The following ARHGAP10 variants were observed in gnomAD, a reference collection of about 807,000 sequenced individuals.
ARHGAP10 encodes Rho GTPase activating protein 10.
ARHGAP10 carries 87 observed loss-of-function variants against 108.6 expected under a neutral mutation model. The ratio of observed to expected loss-of-function variants is 0.80; its 90% CI spans 0.67 to 0.96. The LOEUF is 0.96. ARHGAP10 is among the 40% of genes least tolerant of loss of function. The probability of loss-of-function intolerance (pLI) is 0.00; values close to 1 mark genes in which losing one functional copy is unlikely to be tolerated. For synonymous variants in ARHGAP10, 347 were observed against 341.1 expected (o/e 1.02, Z -0.19); for missense variants, 939 against 954.5 (o/e 0.98, Z 0.21).
intron 1 of ARHGAP10, among the ~76,000 whole-genome samples, chr4:147,797,923 C>T (rs1461543856): frequency 2.0e-5 from 3 of 151,870 alleles, no homozygotes; most frequent in Admixed American, 6.6e-5. Context: ...CCCATGCCAT[C>T]TCATCCCATC....
chr4:147,821,419 T>C (rs545219538), intron 1 of ARHGAP10, among the ~76,000 whole-genome samples: 2 of 152,354 alleles, frequency 1.3e-5, no homozygotes, highest in African/African-American at 4.8e-5. Flanking sequence ...GCTTTTCTTC[T>C]ATACTTTAGG....
At chr4:147,943,210 GGTA>G (rs1438682521) in intron 14 of ARHGAP10, among the ~76,000 whole-genome samples, 1 of 152,172 alleles carries the variant, frequency 6.6e-6, no homozygotes, top group East Asian at 1.9e-4. Context: ...GAGAAAATGT[GGTA>G]GTAGTTTGTG....
chr4:147,841,002 T>G (rs1307859302), intron 3 of ARHGAP10, among the ~76,000 whole-genome samples: 1 of 152,250 alleles, frequency 6.6e-6, no homozygotes, highest in Non-Finnish European at 1.5e-5. Flanking sequence ...TGCTTCCTCT[T>G]TTTGTAAGTC....
intron 1 of ARHGAP10, among the ~76,000 whole-genome samples, chr4:147,789,181 A>G (rs145957554): frequency 1.2e-3 from 181 of 152,330 alleles, no homozygotes; most frequent in Non-Finnish European, 2.1e-3. Flanking sequence ...GGAGAAGTCA[A>G]TTCAACTGTA....
At chr4:147,795,593 C>T (rs955116161) in intron 1 of ARHGAP10, among the ~76,000 whole-genome samples, 9 of 151,954 alleles carry the variant, frequency 5.9e-5, no homozygotes, top group Non-Finnish European at 1.0e-4. Flanking sequence ...GTAGTATTCA[C>T]GTGGTGCTTG....
At chr4:147,859,062 C>A (rs1437658853) in intron 5 of ARHGAP10, among the ~76,000 whole-genome samples, 3 of 152,110 alleles carry the variant, frequency 2.0e-5, no homozygotes, top group African/African-American at 7.2e-5. Flanking sequence ...TGTTCTGCAC[C>A]CAACCCAGCT....
intron 1 of ARHGAP10, among the ~76,000 whole-genome samples, chr4:147,794,798 C>G (rs1236359326): frequency 6.6e-6 from 1 of 152,072 alleles, no homozygotes; most frequent in Admixed American, 6.6e-5. Context: ...TGTTACAGTA[C>G]CATTTAGTGT....
intron 1 of ARHGAP10, among the ~76,000 whole-genome samples, chr4:147,801,883 G>T (rs1560766541): frequency 1.3e-5 from 2 of 152,154 alleles, no homozygotes; most frequent in African/African-American, 2.4e-5. Context: ...TGTTTGTAAT[G>T]TTTTTTGAAG....
chr4:148,028,565 G>A (rs955138246), intron 19 of ARHGAP10, among the ~76,000 whole-genome samples: 2 of 152,198 alleles, frequency 1.3e-5, no homozygotes, highest in African/African-American at 2.4e-5. Context: ...CTGCTGTAGG[G>A]TAGTATTCTT....
At chr4:147,974,926 A>C (rs1462213717) in intron 18 of ARHGAP10, among the ~76,000 whole-genome samples, 1 of 152,208 alleles carries the variant, frequency 6.6e-6, no homozygotes, top group Non-Finnish European at 1.5e-5. Flanking sequence ...TATCATGAGA[A>C]TAGCACAGGA....
chr4:147,889,450 C>A (rs962516820), intron 10 of ARHGAP10, among the ~76,000 whole-genome samples: 1 of 152,186 alleles, frequency 6.6e-6, no homozygotes, highest in Non-Finnish European at 1.5e-5. Context: ...CAGGCATACA[C>A]CGCCACGCCC....
intron 10 of ARHGAP10, among the ~76,000 whole-genome samples, chr4:147,883,553 C>T (rs1735421839): frequency 6.6e-6 from 1 of 152,192 alleles, no homozygotes; most frequent in African/African-American, 2.4e-5. Flanking sequence ...GTAGTTGTTA[C>T]TGTTTCCATT....
At chr4:147,842,858 G>A (rs1733470122) in intron 3 of ARHGAP10, among the ~76,000 whole-genome samples, 1 of 152,120 alleles carries the variant, frequency 6.6e-6, no homozygotes, top group South Asian at 2.1e-4. Context: ...CCTTGCTGGA[G>A]AAAATCCCAC....
intron 18 of ARHGAP10, among the ~76,000 whole-genome samples, chr4:147,985,292 G>A (rs1450099813): frequency 6.6e-6 from 1 of 152,066 alleles, no homozygotes; most frequent in African/African-American, 2.4e-5. Flanking sequence ...AAAGATGGGT[G>A]GCTCAGGCTA....
chr4:147,952,021 T>G (rs1158379683), intron 15 of ARHGAP10, among the ~76,000 whole-genome samples: 4 of 152,210 alleles, frequency 2.6e-5, no homozygotes, highest in Non-Finnish European at 4.4e-5. Flanking sequence ...AATTATATAG[T>G]ATATACTTGA....
intron 1 of ARHGAP10, among the ~76,000 whole-genome samples, chr4:147,781,155 G>A (rs562928632): frequency 1.3e-5 from 2 of 152,146 alleles, no homozygotes; most frequent in African/African-American, 4.8e-5. Context: ...TCAAGAGATC[G>A]AGACCATTCT....
At chr4:147,972,120 A>C (rs1739434705) in intron 18 of ARHGAP10, among the ~76,000 whole-genome samples, 1 of 152,192 alleles carries the variant, frequency 6.6e-6, no homozygotes, top group African/African-American at 2.4e-5. Context: ...AGATAAGTCC[A>C]TTAGACAGAG....
At chr4:147,989,147 G>A (rs1439146333) in intron 18 of ARHGAP10, among the ~76,000 whole-genome samples, 2 of 152,228 alleles carry the variant, frequency 1.3e-5, no homozygotes, top group East Asian at 3.8e-4. Flanking sequence ...TGCCCCACAA[G>A]CCACAAAAAC....
chr4:147,755,455 G>A (rs756970363), intron 1 of ARHGAP10, among the ~76,000 whole-genome samples: 2 of 152,088 alleles, frequency 1.3e-5, no homozygotes, highest in East Asian at 1.9e-4. Flanking sequence ...CTCAGGAGGC[G>A]GAGGTTGCGG....
Sources: allele counts gnomAD v4.1 joint callset (sites outside exome capture counted in the v4.1 genomes callset), GRCh38; gene constraint gnomAD v4.1.1; transcripts MANE v1.5; gene names NCBI Gene and HGNC (gene_info 2026-07-23, HGNC 2026-07-21).